Variants in PAQR8 observed in about 807,000 individuals in gnomAD.
PAQR8 encodes progestin and adipoQ receptor family member 8.
A neutral mutation model predicts 25.2 loss-of-function variants in PAQR8; 17 were observed. The observed-to-expected ratio is 0.67, with a 90% CI of 0.46 to 1.01. PAQR8 has a LOEUF of 1.01. Ranked by LOEUF, PAQR8 falls within the 50% of genes least tolerant of loss-of-function variation. PAQR8 has a pLI of 0.00. For synonymous variants in PAQR8, 204 were observed against 190.6 expected, an observed-to-expected ratio of 1.07 and a Z score of -0.58; for missense variants, 392 against 448.4, an observed-to-expected ratio of 0.87 and a Z score of 1.14.
intron 1 of PAQR8, among the ~76,000 whole-genome samples, chr6:52,371,636 T>A (rs1423699502): frequency 6.6e-6 from 1 of 152,188 alleles, no homozygotes; most frequent in Admixed American, 6.5e-5. Context: ...AACCATTGGG[T>A]CTAAATATTA....
At chr6:52,378,520 C>T (rs71570577) in intron 1 of PAQR8, among the ~76,000 whole-genome samples, 8,909 of 152,222 alleles carry the variant, frequency 0.059, 366 homozygotes, top group South Asian at 0.11. Flanking sequence ...TGGCCAGGCG[C>T]GGTGGCTGAG....
chr6:52,364,613 C>T (rs542108905), intron 1 of PAQR8, among the ~76,000 whole-genome samples: 53 of 152,322 alleles, frequency 3.5e-4, no homozygotes, highest in African/African-American at 1.3e-3. Flanking sequence ...TCCGAGTTTG[C>T]AACACATTTC....
Position 52,403,187 on chromosome 6 carries a change from G to T in PAQR8, c.-27G>T. 1.3e-6 allele frequency: 2 copies of T among 1,574,848 alleles called. No individual in the cohort carries two copies. The highest frequency in any genetic ancestry group is 8.6e-7 in the Non-Finnish European group (1 of 1,156,316). Reference sequence around the variant, plus strand: ...GTTGCATACCCTGTCCTGAGGGCGCGGCACGGAGTGCATGCGGGCCGCTGC... The same window carrying T: ...GTTGCATACCCTGTCCTGAGGGCGCTGCACGGAGTGCATGCGGGCCGCTGC... On this transcript the variant is annotated 5_prime_UTR_variant, in exon 2 of 2. Coordinates refer to ENST00000442253, the MANE Select transcript of PAQR8 (RefSeq NM_133367.5).
intron 1 of PAQR8, among the ~76,000 whole-genome samples, chr6:52,400,870 T>A (rs1562434462): frequency 6.6e-6 from 1 of 152,222 alleles, no homozygotes; most frequent in Non-Finnish European, 1.5e-5. Flanking sequence ...AGTCTTTGTA[T>A]CCCTAGTACC....
intron 1 of PAQR8, among the ~76,000 whole-genome samples, chr6:52,366,819 G>A (rs887292296): frequency 5.9e-5 from 9 of 151,724 alleles, no homozygotes; most frequent in African/African-American, 2.2e-4. Context: ...GCGCAATCTC[G>A]GCTCACTGCA....
At chr6:52,367,620 G>A (rs984085364) in intron 1 of PAQR8, among the ~76,000 whole-genome samples, 2 of 152,224 alleles carry the variant, frequency 1.3e-5, no homozygotes, top group Non-Finnish European at 2.9e-5. Flanking sequence ...CACAGATGTA[G>A]GGCCTCCAGC....
chr6:52,384,261 T>A (rs966343610), intron 1 of PAQR8, among the ~76,000 whole-genome samples: 1 of 152,202 alleles, frequency 6.6e-6, no homozygotes, highest in Admixed American at 6.5e-5. Context: ...AAGCCATGGC[T>A]GAGGTTAAAA....
Position 52,403,560 on chromosome 6 carries a change from T to A in PAQR8, c.347T>A (p.Ile116Asn). The A allele has an allele frequency of 6.2e-7, 1 of 1,614,108 alleles. No homozygotes were observed. Among genetic ancestry groups the A allele is most frequent in the Non-Finnish European group, 8.5e-7 (1 of 1,180,032 alleles). Reference sequence around the variant, plus strand: ...CACTCCCTGCCTCTGCTCCTCTTCATCCTGTCGTCAATCACTTACCTCACC... The same window carrying A: ...CACTCCCTGCCTCTGCTCCTCTTCAACCTGTCGTCAATCACTTACCTCACC... ...STHSLPLLLF[I>N]LSSITYLTCS... Residue 116 changes from isoleucine to asparagine, a missense_variant, in exon 2 of 2, where the codon ATC (isoleucine) becomes AAC (asparagine). Ile to Asn is a moderately radical substitution (Grantham distance 149). Coordinates refer to ENST00000442253, the MANE Select transcript of PAQR8 (RefSeq NM_133367.5).
intron 1 of PAQR8, among the ~76,000 whole-genome samples, chr6:52,372,162 A>G (rs1367672888): frequency 6.6e-6 from 1 of 152,170 alleles, no homozygotes. Flanking sequence ...TCTGTCAGGC[A>G]GCTGCACGAG....
rs988439398 is a variant in PAQR8 at position 52,406,632 on chromosome 6, G to A, written c.*2354G>A. On this transcript the variant is annotated 3_prime_UTR_variant, in exon 2 of 2. Coordinates refer to ENST00000442253, the MANE Select transcript of PAQR8 (RefSeq NM_133367.5). ...GGCTGGAGTGCAGTGATGCAATCAC[G>A]GCTCACTGCAGCCTCGACCTCCCCA... The A allele has an allele frequency of 7.3e-6, 3 of 409,110 alleles. No individual in the cohort carries two copies. Among genetic ancestry groups the A allele is most frequent in the African/African-American group, 2.1e-5 (1 of 48,568 alleles). 25.3% of individuals were successfully genotyped at this position (409,110 alleles called of 1,614,324 possible). A position where few individuals can be genotyped will look rare whatever the true frequency, so the allele number is the denominator to read the frequency against.
At chr6:52,403,103 C>T (rs1394606371) in intron 1 of PAQR8, 59 bp from the exon 2 acceptor site, 6 of 868,902 alleles carry the variant, frequency 6.9e-6, no homozygotes, top group East Asian at 5.3e-5. Context: ...GTTCCTTGTC[C>T]GTCTTAGCTG....
At position 52,362,607 on chromosome 6, in the gene PAQR8, C is replaced by T. The variant is rs1312943770; in HGVS notation, c.-53+358C>T. 3 of 154,024 alleles carry T rather than the reference C, an allele frequency of 1.9e-5. No homozygotes were observed. The East Asian group carries it at 5.8e-4, about 30-fold the overall frequency. The allele number at this position is 154,024 out of a possible 1,614,324, so 9.5% of individuals were successfully genotyped here. On this transcript the variant is annotated intron_variant, in intron 1 of 1. Transcript: ENST00000442253. The surrounding 1 kb of genome is among the most constrained non-coding windows in gnomAD (Gnocchi z 4.1). ...AGAGCTGGCGGGGGTGTGGGGACCG[C>T]GATGTTGGGAAGGCTGAGCCCGGAG...
At chr6:52,391,673 G>C (rs924866193) in intron 1 of PAQR8, among the ~76,000 whole-genome samples, 3 of 152,196 alleles carry the variant, frequency 2.0e-5, no homozygotes, top group Admixed American at 6.5e-5. Flanking sequence ...TGGCTCAAAG[G>C]CTGCTTAAAG....
Position 52,403,304 on chromosome 6 carries a change from C to T in PAQR8, c.91C>T (p.Pro31Ser). 1 of 1,614,032 alleles carries T rather than the reference C, an allele frequency of 6.2e-7. No individual in the cohort carries two copies. Among genetic ancestry groups the T allele is most frequent in the Non-Finnish European group, 8.5e-7 (1 of 1,179,916 alleles). The change falls in exon 2 of 2, where the codon CCC becomes TCC. Residue 31 changes from proline (P) to serine (S), a missense_variant. Transcript: ENST00000442253. ...RLPKILEDGLPKMPCTVPETD... is the reference protein window; with the variant it reads ...RLPKILEDGLSKMPCTVPETD... ...GCCCAAGATCCTGGAGGATGGGCTT[C>T]CCAAGATGCCTTGCACTGTCCCAGA...
chr6:52,386,580 A>G (rs1250531063), intron 1 of PAQR8, among the ~76,000 whole-genome samples: 1 of 152,192 alleles, frequency 6.6e-6, no homozygotes, highest in Admixed American at 6.5e-5. Context: ...CAGAAAACCA[A>G]ATACCACATG....
At chr6:52,372,197 C>A (rs182423131) in intron 1 of PAQR8, among the ~76,000 whole-genome samples, 1 of 152,306 alleles carries the variant, frequency 6.6e-6, no homozygotes, top group Non-Finnish European at 1.5e-5. Context: ...AAATGCTTAG[C>A]TTTTGGCTGG....
chr6:52,399,360 A>C (rs1243840797), intron 1 of PAQR8, among the ~76,000 whole-genome samples: 2 of 152,210 alleles, frequency 1.3e-5, no homozygotes, highest in Non-Finnish European at 2.9e-5. Flanking sequence ...TTTCTCCCTC[A>C]GAACAGACAG....
chr6:52,364,953 T>A (rs1326250461), intron 1 of PAQR8, among the ~76,000 whole-genome samples: 1 of 152,224 alleles, frequency 6.6e-6, no homozygotes, highest in African/African-American at 2.4e-5. Flanking sequence ...TTTTGGTGTT[T>A]ATGCTCTGGT....
In PAQR8 at chr6:52,364,083, G is replaced by GTTTTTTTTTTTTTTTTTTT. The variant is rs67846872; in HGVS notation, c.-53+1836_-53+1854dup. Among the ~76,000 whole-genome samples, 58 of 84,280 alleles carry GTTTTTTTTTTTTTTTTTTT rather than the reference G, an allele frequency of 6.9e-4. 9 individuals are homozygous for GTTTTTTTTTTTTTTTTTTT. Among genetic ancestry groups the GTTTTTTTTTTTTTTTTTTT allele is most frequent in the Non-Finnish European group, 1.1e-3 (49 of 45,822 alleles). The allele number at this position is 84,280 out of a possible 152,430, so 55.3% of individuals were successfully genotyped here. On this transcript the variant is annotated intron_variant, in intron 1 of 1. Transcript: ENST00000442253. ...AGTGGATATATCCATTGAAAGATATGTTTTTTTTTTTTTTTTTTTTGCGGG... is the reference window on the plus strand; with the variant it reads ...AGTGGATATATCCATTGAAAGATATGTTTTTTTTTTTTTTTTTTTTTTTTTTTTTTTTTTTTTTTGCGGG...
Sources: allele counts gnomAD v4.1 joint callset (sites outside exome capture counted in the v4.1 genomes callset), GRCh38; gene constraint gnomAD v4.1.1; non-coding constraint Gnocchi (gnomAD v3.1); transcripts MANE v1.5; gene names NCBI Gene and HGNC (gene_info 2026-07-23, HGNC 2026-07-21).